The following PIK3C2G variants were observed in gnomAD, a reference collection of about 807,000 sequenced individuals.
PIK3C2G encodes the protein phosphatidylinositol 3-kinase C2 domain-containing subunit gamma.
PIK3C2G carries 168 observed loss-of-function variants against 181.1 expected under a neutral mutation model. That is an observed-to-expected ratio of 0.93 (90% CI 0.82 to 1.05). The LOEUF (loss-of-function observed/expected upper bound fraction) is 1.05. Among genes scored for constraint, PIK3C2G ranks in the 50% least tolerant of loss-of-function variants. PIK3C2G has a pLI of 0.00. For missense variants in PIK3C2G, 1,869 were observed against 1,732.8 expected (o/e 1.08, Z -1.40); for synonymous variants, 573 against 592.2 (o/e 0.97, Z 0.47).
chr12:18,712,913 G>C, the PIK3C2G span: 1 of 1,613,914 alleles, frequency 6.2e-7, no homozygotes, highest in Non-Finnish European at 8.5e-7. Context: ...GTGTAGCCAT[G>C]ATATACAACA....
chr12:18,706,956 C>A, the PIK3C2G span, among the ~76,000 whole-genome samples: 1 of 152,192 alleles, frequency 6.6e-6, no homozygotes, highest in African/African-American at 2.4e-5. Context: ...GAAGAAGAAT[C>A]CTCCTTGCCT....
intron 18 of PIK3C2G, among the ~76,000 whole-genome samples, chr12:18,476,131 A>G (rs1022396284): frequency 6.6e-6 from 1 of 152,198 alleles, no homozygotes; most frequent in African/African-American, 2.4e-5. Flanking sequence ...AAAGTACTTC[A>G]TCCTTACACG....
At chr12:18,384,859 T>C (rs926509855) in intron 14 of PIK3C2G, among the ~76,000 whole-genome samples, 1 of 152,202 alleles carries the variant, frequency 6.6e-6, no homozygotes, top group African/African-American at 2.4e-5. Context: ...TCAAATTGTA[T>C]AGACACATGA....
intron 18 of PIK3C2G, among the ~76,000 whole-genome samples, chr12:18,424,338 C>A (rs1279999617): frequency 2.0e-5 from 3 of 152,040 alleles, no homozygotes; most frequent in African/African-American, 7.2e-5. Context: ...TATATCTACT[C>A]CTTGAAGATT....
chr12:18,270,913 A>T (rs915647584), intron 1 of PIK3C2G, among the ~76,000 whole-genome samples: 2 of 152,182 alleles, frequency 1.3e-5, no homozygotes, highest in Non-Finnish European at 2.9e-5. Context: ...CAGTATCTCA[A>T]TTTGTAAAAT....
At chr12:18,615,003 G>A (rs1274613764) in intron 31 of PIK3C2G, among the ~76,000 whole-genome samples, 2 of 151,740 alleles carry the variant, frequency 1.3e-5, no homozygotes, top group Non-Finnish European at 2.9e-5. Context: ...TAGGGAACAG[G>A]TGCTTTTTGG....
chr12:18,643,774 A>T (rs181170645), intron 32 of PIK3C2G, among the ~76,000 whole-genome samples: 60 of 152,048 alleles, frequency 3.9e-4, no homozygotes, highest in Non-Finnish European at 7.2e-4. Flanking sequence ...GTGAGTTATC[A>T]CAGGGCATCT....
At chr12:18,585,960 A>G (rs968552504) in intron 29 of PIK3C2G, among the ~76,000 whole-genome samples, 4 of 152,236 alleles carry the variant, frequency 2.6e-5, no homozygotes, top group African/African-American at 9.6e-5. Flanking sequence ...GGGGTATACA[A>G]TGAAATTAAG....
At chr12:18,356,430 G>A (rs1381827758) in intron 11 of PIK3C2G, among the ~76,000 whole-genome samples, 2 of 152,108 alleles carry the variant, frequency 1.3e-5, no homozygotes, top group African/African-American at 4.8e-5. Flanking sequence ...AGAACTCCAT[G>A]TGGCCCCGTG....
downstream of PIK3C2G, among the ~76,000 whole-genome samples, chr12:18,651,270 CT>C (rs1950503923): frequency 6.6e-6 from 1 of 152,044 alleles, no homozygotes; most frequent in Non-Finnish European, 1.5e-5. Context: ...TCCCTTACCT[CT>C]CTCAAATCCT....
chr12:18,638,951 CA>C (rs779064940), intron 31 of PIK3C2G, among the ~76,000 whole-genome samples: 2,498 of 97,588 alleles, frequency 0.026, 73 homozygotes, highest in African/African-American at 0.083. Context: ...CTCTTCTCAC[CA>C]AAAAAAAAAA....
intron 5 of PIK3C2G, among the ~76,000 whole-genome samples, chr12:18,295,133 C>A (rs1262972680): frequency 6.7e-6 from 1 of 149,784 alleles, no homozygotes; most frequent in Non-Finnish European, 1.5e-5. Context: ...AATAATTATA[C>A]ATAAACAAAA....
At chr12:18,721,801 G>A in the PIK3C2G span, among the ~76,000 whole-genome samples, 30 of 151,274 alleles carry the variant, frequency 2.0e-4, no homozygotes, top group African/African-American at 7.0e-4. Context: ...TCTTTACCTT[G>A]CTGCTAACCT....
intron 15 of PIK3C2G, among the ~76,000 whole-genome samples, chr12:18,395,957 C>A (rs1943866453): frequency 6.7e-6 from 1 of 150,122 alleles, no homozygotes; most frequent in Admixed American, 6.6e-5. Context: ...AAAAAGGGGA[C>A]CAAGAAATGG....
chr12:18,443,520 C>T (rs1946860638), intron 18 of PIK3C2G, among the ~76,000 whole-genome samples: 1 of 151,800 alleles, frequency 6.6e-6, no homozygotes, highest in African/African-American at 2.4e-5. Context: ...TCTTTGTTTA[C>T]AGGAATTTCT....
At chr12:18,371,684 T>G (rs935047257) in intron 13 of PIK3C2G, among the ~76,000 whole-genome samples, 6 of 152,196 alleles carry the variant, frequency 3.9e-5, no homozygotes, top group African/African-American at 1.4e-4. Context: ...AGTAAAATTA[T>G]ACAAGGTAAC....
At chr12:18,367,349 G>A (rs889619335) in intron 12 of PIK3C2G, among the ~76,000 whole-genome samples, 14 of 152,066 alleles carry the variant, frequency 9.2e-5, no homozygotes, top group Admixed American at 3.3e-4. Context: ...AAGAGAGGAC[G>A]TTTAGTTTTG....
chr12:18,344,406 A>G (rs979222039), intron 10 of PIK3C2G, among the ~76,000 whole-genome samples: 5 of 152,182 alleles, frequency 3.3e-5, no homozygotes, highest in Non-Finnish European at 5.9e-5. Flanking sequence ...GAGGGTATAA[A>G]GAAACTTGTG....
rs115654278 is a variant in PIK3C2G, at chr12:18,378,108, C to T, written c.1881-3658C>T. 5.6e-3 allele frequency among the ~76,000 whole-genome samples: 860 copies of T among 152,300 alleles called. 8 individuals carry two copies. Among genetic ancestry groups the T allele is most frequent in the African/African-American group, 0.019 (810 of 41,562 alleles). ...GTTAAAGCCATGGTGACTGTTAATACATCCAAGACTCCATCAAAGGACAGT... is the reference window on the plus strand; with the variant it reads ...GTTAAAGCCATGGTGACTGTTAATATATCCAAGACTCCATCAAAGGACAGT... On this transcript the variant is annotated intron_variant, in intron 13 of 32. Coordinates refer to ENST00000538779, the MANE Select transcript of PIK3C2G (RefSeq NM_001288772.2).
Sources: allele counts gnomAD v4.1 joint callset (sites outside exome capture counted in the v4.1 genomes callset), GRCh38; gene constraint gnomAD v4.1.1; transcripts MANE v1.5; gene names NCBI Gene and HGNC (gene_info 2026-07-23, HGNC 2026-07-21).